The following NEGR1 variants were observed in gnomAD, a reference collection of about 807,000 sequenced individuals.
NEGR1 encodes IgLON family member 4.
In NEGR1, 10 loss-of-function variants were observed where a neutral mutation model predicts 40.9. The observed-to-expected ratio is 0.24, with a 90% confidence interval of 0.15 to 0.42. The LOEUF (loss-of-function observed/expected upper bound fraction) is 0.42. NEGR1 is among the 10% of genes least tolerant of loss of function. The probability of loss-of-function intolerance (pLI) is 1.00; values close to 1 mark genes in which losing one functional copy is unlikely to be tolerated. For synonymous variants in NEGR1, 185 were observed against 166.8 expected, an observed-to-expected ratio of 1.11 and a Z score of -0.84; for missense variants, 352 against 438.9, an observed-to-expected ratio of 0.80 and a Z score of 1.77.
At chr1:71,860,278 C>A (rs1339118288) in intron 2 of NEGR1, among the ~76,000 whole-genome samples, 1 of 151,594 alleles carries the variant, frequency 6.6e-6, no homozygotes, top group Non-Finnish European at 1.5e-5. Flanking sequence ...TATAGCATTT[C>A]TGAGAACATA....
intron 6 of NEGR1, among the ~76,000 whole-genome samples, chr1:71,433,675 A>G (rs1479646168): frequency 3.3e-5 from 5 of 152,208 alleles, no homozygotes; most frequent in Non-Finnish European, 7.3e-5. Flanking sequence ...CGAGAACAGT[A>G]TGAGGAAAAC....
intron 3 of NEGR1, among the ~76,000 whole-genome samples, chr1:71,739,717 C>T (rs182501738): frequency 6.6e-6 from 1 of 152,106 alleles, no homozygotes; most frequent in Non-Finnish European, 1.5e-5. Flanking sequence ...TTATTGAGCA[C>T]CTACACTGGT....
intron 3 of NEGR1, among the ~76,000 whole-genome samples, chr1:71,770,400 G>A (rs762097309): frequency 9.9e-5 from 15 of 152,142 alleles, no homozygotes; most frequent in Non-Finnish European, 2.1e-4. Flanking sequence ...TTGTGGTTTA[G>A]AAGAATATCA....
intron 1 of NEGR1, among the ~76,000 whole-genome samples, chr1:72,025,722 T>C (rs1265952058): frequency 6.6e-6 from 1 of 152,216 alleles, no homozygotes; most frequent in Admixed American, 6.5e-5. Flanking sequence ...TATTTAAATA[T>C]ATTGCTGATG....
intron 2 of NEGR1, among the ~76,000 whole-genome samples, chr1:71,894,303 C>G (rs1660901512): frequency 6.6e-6 from 1 of 150,830 alleles, no homozygotes; most frequent in Admixed American, 6.6e-5. Context: ...TTGAATACTA[C>G]AATTCATTTC....
At chr1:71,899,988 G>A (rs529063198) in intron 2 of NEGR1, among the ~76,000 whole-genome samples, 2 of 152,314 alleles carry the variant, frequency 1.3e-5, no homozygotes, top group South Asian at 4.1e-4. Context: ...AACATGGCTA[G>A]TGAAGAGAAA....
intron 4 of NEGR1, among the ~76,000 whole-genome samples, chr1:71,647,791 T>G (rs1651582121): frequency 6.6e-6 from 1 of 151,968 alleles, no homozygotes. Context: ...TTATTAGCAC[T>G]ATATACTGAA....
chr1:71,808,090 A>C (rs1262632896), intron 2 of NEGR1, among the ~76,000 whole-genome samples: 2 of 152,200 alleles, frequency 1.3e-5, no homozygotes, highest in East Asian at 3.9e-4. Flanking sequence ...ATAAAATGGC[A>C]CATGATATCA....
intron 5 of NEGR1, among the ~76,000 whole-genome samples, chr1:71,606,607 G>C (rs1045874613): frequency 1.3e-5 from 2 of 152,164 alleles, no homozygotes; most frequent in Admixed American, 1.3e-4. Context: ...TGTCTTGATG[G>C]TGACATAAAG....
Position 71,698,086 on chromosome 1 carries a change from G to T in NEGR1, c.589C>A (p.Gln197Lys). Residue 197 changes from glutamine to lysine, a missense_variant, in exon 4 of 7, where the codon CAG becomes AAG. Gln to Lys is a moderately conservative substitution (Grantham distance 53). Transcript: ENST00000357731. ...GCACTGCATTCATATTCCCCAGCCTGGTCCCTTGTAATTCCATAAATGTCC... is the reference window on the plus strand; with the variant it reads ...GCACTGCATTCATATTCCCCAGCCTTGTCCCTTGTAATTCCATAAATGTCC... ...YLDIYGITRD[Q>K]AGEYECSAEN... 6.2e-7 allele frequency: 1 copy of T among 1,610,714 alleles called. No individual in the cohort carries two copies. Among genetic ancestry groups the T allele is most frequent in the Non-Finnish European group, 8.5e-7 (1 of 1,177,626 alleles).
chr1:71,650,798 C>T (rs1389198630), intron 4 of NEGR1, among the ~76,000 whole-genome samples: 1 of 152,094 alleles, frequency 6.6e-6, no homozygotes, highest in Non-Finnish European at 1.5e-5. Flanking sequence ...TTAAAAGTGT[C>T]AGCTATTATC....
At chr1:71,800,727 C>T (rs1189351389) in intron 2 of NEGR1, among the ~76,000 whole-genome samples, 1 of 152,126 alleles carries the variant, frequency 6.6e-6, no homozygotes, top group Non-Finnish European at 1.5e-5. Context: ...GCACTAAGTC[C>T]ATTCACTTTA....
intron 6 of NEGR1, among the ~76,000 whole-genome samples, chr1:71,473,823 C>T (rs1204755436): frequency 6.6e-6 from 1 of 151,888 alleles, no homozygotes; most frequent in African/African-American, 2.4e-5. Flanking sequence ...CTAATGGCTT[C>T]CTTTGTGACT....
intron 4 of NEGR1, among the ~76,000 whole-genome samples, chr1:71,692,178 G>A (rs1653306201): frequency 6.6e-6 from 1 of 151,506 alleles, no homozygotes; most frequent in Non-Finnish European, 1.5e-5. Flanking sequence ...TATAAATGTA[G>A]ATGTACCAAA....
At chr1:71,857,097 G>A (rs188304213) in intron 2 of NEGR1, among the ~76,000 whole-genome samples, 1 of 152,060 alleles carries the variant, frequency 6.6e-6, no homozygotes, top group East Asian at 1.9e-4. Flanking sequence ...GGAAATCATA[G>A]TGAAAATGAC....
At chr1:71,928,321 T>C (rs1389112182) in intron 2 of NEGR1, among the ~76,000 whole-genome samples, 1 of 124,508 alleles carries the variant, frequency 8.0e-6, no homozygotes, top group East Asian at 2.2e-4. Context: ...CATATGTATA[T>C]ACGTATATAT....
chr1:72,060,600 A>G (rs1179070723), intron 1 of NEGR1, among the ~76,000 whole-genome samples: 1 of 151,618 alleles, frequency 6.6e-6, no homozygotes, highest in Non-Finnish European at 1.5e-5. Context: ...TTAGAGGAAG[A>G]GTTAATACGA....
chr1:71,809,726 T>A (rs983828654), intron 2 of NEGR1, among the ~76,000 whole-genome samples: 6 of 152,206 alleles, frequency 3.9e-5, no homozygotes, highest in African/African-American at 1.4e-4. Context: ...AGCTAACATG[T>A]CCAATGTGTG....
At chr1:71,647,973 AG>A (rs1293356323) in intron 4 of NEGR1, among the ~76,000 whole-genome samples, 1 of 152,006 alleles carries the variant, frequency 6.6e-6, no homozygotes, top group East Asian at 1.9e-4. Flanking sequence ...TAAGGAAAGA[AG>A]GTAAAAGTCT....
Sources: allele counts gnomAD v4.1 joint callset (sites outside exome capture counted in the v4.1 genomes callset), GRCh38; gene constraint gnomAD v4.1.1; transcripts MANE v1.5; gene names NCBI Gene and HGNC (gene_info 2026-07-23, HGNC 2026-07-21).